Variants in GAN observed in about 807,000 individuals in gnomAD.
GAN encodes the protein epididymis secretory sperm binding protein.
In GAN, 48 loss-of-function variants were observed where a neutral mutation model predicts 71.3. The observed-to-expected ratio is 0.67, with a 90% CI of 0.53 to 0.86. The LOEUF (loss-of-function observed/expected upper bound fraction) is 0.86. GAN is among the 40% of genes least tolerant of loss of function. The probability of loss-of-function intolerance (pLI) is 0.00; values close to 1 mark genes in which losing one functional copy is unlikely to be tolerated. For synonymous variants in GAN, 386 were observed against 276.8 expected (o/e 1.39, Z -3.92); for missense variants, 928 against 770.1 (o/e 1.21, Z -2.43).
At position 81,378,912 on chromosome 16, in the gene GAN, C is replaced by T. The variant is rs1904291820; in HGVS notation, c.*1316C>T. The T allele has an allele frequency of 6.6e-6, 1 of 152,514 alleles. No homozygotes were observed. The highest frequency in any genetic ancestry group is 2.4e-5 in the African/African-American group (1 of 41,442). 9.4% of individuals were successfully genotyped at this position (152,514 alleles called of 1,614,324 possible). On this transcript the variant is annotated 3_prime_UTR_variant, in exon 11 of 11. Transcript: ENST00000648994. ...GATATTTTGTTTTCCACTTGAATTACACCACCCTAGTGTGAAATCGGGGAC... is the reference window on the plus strand; with the variant it reads ...GATATTTTGTTTTCCACTTGAATTATACCACCCTAGTGTGAAATCGGGGAC...
chr16:81,363,937 C>A lies in GAN; in HGVS notation c.1230C>A (p.Val410=). ...TWTKQPDLTM[V]RKIGCYAAMK... ...CAAAGCAACCTGATTTGACCATGGTCAGAAAGGTGAGGACTGCATTTTGTG... is the reference window on the plus strand; with the variant it reads ...CAAAGCAACCTGATTTGACCATGGTAAGAAAGGTGAGGACTGCATTTTGTG... The change falls in exon 7 of 11, where the codon GTC becomes GTA. Residue 410 remains valine, a synonymous_variant. Coordinates refer to ENST00000648994, the MANE Select transcript of GAN (RefSeq NM_022041.4). 1 of 1,612,680 alleles carries A rather than the reference C, an allele frequency of 6.2e-7. No homozygotes were observed. The highest frequency in any genetic ancestry group is 8.5e-7 in the Non-Finnish European group (1 of 1,178,684).
rs56782049 is a variant in GAN at position 81,376,465 on chromosome 16, ATGTGTGTGTGTG to A, written c.1503-720_1503-709del. Among the ~76,000 whole-genome samples, 585 of 127,166 alleles carry A rather than the reference ATGTGTGTGTGTG, an allele frequency of 4.6e-3. 1 individual carries two copies. Among genetic ancestry groups the A allele is most frequent in the African/African-American group, 0.015 (503 of 33,084 alleles). The allele number at this position is 127,166 out of a possible 152,430, so 83.4% of individuals were successfully genotyped here. On this transcript the variant is annotated intron_variant, in intron 9 of 10. Coordinates refer to ENST00000648994, the MANE Select transcript of GAN (RefSeq NM_022041.4). ...CAATATCCCATCTTTATACATACATATGTGTGTGTGTGTGTGTGTGTGTGTGTGTGTGTGTGT... is the reference window on the plus strand; with the variant it reads ...CAATATCCCATCTTTATACATACATATGTGTGTGTGTGTGTGTGTGTGTGT...
chr16:81,376,597 ATATAT>A (rs887926011), intron 9 of GAN, among the ~76,000 whole-genome samples: 1 of 150,272 alleles, frequency 6.7e-6, no homozygotes, highest in Non-Finnish European at 1.5e-5. Context: ...ATGTATAAGT[ATATAT>A]TATATGTATG....
chr16:81,315,427 C>G, intron 1 of GAN, 147 bp downstream of exon 1: 1 of 485,788 alleles, frequency 2.1e-6, no homozygotes, highest in South Asian at 1.0e-4. Flanking sequence ...TCCCTCCCGG[C>G]AAGCGCCGGA....
chr16:81,360,415 C>T (rs572482157), intron 5 of GAN, among the ~76,000 whole-genome samples: 2 of 152,244 alleles, frequency 1.3e-5, no homozygotes, highest in African/African-American at 4.8e-5. Context: ...GTTGTGAAGT[C>T]AGTGGCAAGT....
chr16:81,390,290 G>A lies in GAN; in HGVS notation c.*12694G>A, dbSNP rs1360618748. ...ATTGAAATGTCACGTCTCACATCCTGTGGTCCAAAGGTACTAGTTTGTTTT... is the reference window on the plus strand; with the variant it reads ...ATTGAAATGTCACGTCTCACATCCTATGGTCCAAAGGTACTAGTTTGTTTT... On this transcript the variant is annotated 3_prime_UTR_variant, in exon 11 of 11. Transcript: ENST00000648994. 2 of 152,234 alleles carry A rather than the reference G, an allele frequency of 1.3e-5. No individual in the cohort carries two copies. Among genetic ancestry groups the A allele is most frequent in the Admixed American group, 1.3e-4 (2 of 15,286 alleles). The allele number at this position is 152,234 out of a possible 1,614,324, so 9.4% of individuals were successfully genotyped here.
intron 1 of GAN, among the ~76,000 whole-genome samples, chr16:81,324,956 G>A (rs1488901632): frequency 6.6e-6 from 1 of 152,224 alleles, no homozygotes; most frequent in Non-Finnish European, 1.5e-5. Context: ...GGCGGACACA[G>A]CAGCTGGATT....
At chr16:81,370,264 G>A (rs902793698) in intron 9 of GAN, among the ~76,000 whole-genome samples, 1 of 152,190 alleles carries the variant, frequency 6.6e-6, no homozygotes, top group Non-Finnish European at 1.5e-5. Flanking sequence ...CTTATGGTTA[G>A]GAAGAAACAG....
intron 1 of GAN, among the ~76,000 whole-genome samples, chr16:81,348,094 C>T (rs1910180535): frequency 6.6e-6 from 1 of 152,134 alleles, no homozygotes; most frequent in African/African-American, 2.4e-5. Context: ...CTCAAGCAGT[C>T]CTTCCAAAGT....
rs1427393423 is a variant in GAN at position 81,380,688 on chromosome 16, GACCT to G, written c.*3093_*3096del. 1 of 152,136 alleles carries G rather than the reference GACCT, an allele frequency of 6.6e-6. No homozygotes were observed. The highest frequency in any genetic ancestry group is 2.4e-5 in the African/African-American group (1 of 41,424). The allele number at this position is 152,136 out of a possible 1,614,324, so 9.4% of individuals were successfully genotyped here. A position where few individuals can be genotyped will look rare whatever the true frequency, so the allele number is the denominator to read the frequency against. On this transcript the variant is annotated 3_prime_UTR_variant, in exon 11 of 11. Transcript: ENST00000648994. ...CTTCAGATAAATTCTTGAGCCTGTTGACCTTCAGTTTATACTACTGTGTCGAACT... is the reference window on the plus strand; with the variant it reads ...CTTCAGATAAATTCTTGAGCCTGTTGTCAGTTTATACTACTGTGTCGAACT...
At chr16:81,375,697 G>GC (rs1423585584) in intron 9 of GAN, among the ~76,000 whole-genome samples, 1 of 151,960 alleles carries the variant, frequency 6.6e-6, no homozygotes, top group Non-Finnish European at 1.5e-5. Context: ...TGGGTATGGT[G>GC]GCTCACACCT....
Position 81,351,866 on chromosome 16 carries a change from TC to T in GAN, c.282+171del, listed in dbSNP as rs551317822. On this transcript the variant is annotated intron_variant, in intron 2 of 10. Coordinates refer to ENST00000648994, the MANE Select transcript of GAN (RefSeq NM_022041.4). ...GGTAATGGCACCCCATGTGTGTTCT[TC>T]CATGGCTGTGCTCCTAGAGAAGCAG... Among the ~76,000 whole-genome samples, 27 of 152,302 alleles carry T rather than the reference TC, an allele frequency of 1.8e-4. No homozygotes were observed. The East Asian group carries it at 5.0e-3, about 28-fold the overall frequency.
In GAN at chr16:81,326,363, CAAA is replaced by C. The variant is rs66769713; in HGVS notation, c.167+11101_167+11103del. ...AGAAACACCATCTCTACTAAAAATA[CAAA>C]AAAAAAAAAAAAAAAAATTAGCCAG... is the stretch of plus-strand genomic sequence containing the variant. On this transcript the variant is annotated intron_variant, in intron 1 of 10. Coordinates refer to ENST00000648994, the MANE Select transcript of GAN (RefSeq NM_022041.4). Among the ~76,000 whole-genome samples the C allele has an allele frequency of 2.2e-3, 311 of 138,672 alleles. 2 individuals carry two copies. The highest frequency in any genetic ancestry group is 3.6e-3 in the Middle Eastern group (1 of 278). 91.0% of individuals were successfully genotyped at this position (138,672 alleles called of 152,430 possible). A position where few individuals can be genotyped will look rare whatever the true frequency, so the allele number is the denominator to read the frequency against.
chr16:81,330,095 T>A (rs1328848070), intron 1 of GAN, among the ~76,000 whole-genome samples: 2 of 152,162 alleles, frequency 1.3e-5, no homozygotes, highest in African/African-American at 4.8e-5. Flanking sequence ...GAATCTGCCT[T>A]CTCTTCACCA....
chr16:81,384,569 A>G lies in GAN; in HGVS notation c.*6973A>G, dbSNP rs991003507. 3 of 152,102 alleles carry G rather than the reference A, an allele frequency of 2.0e-5. No individual in the cohort carries two copies. The highest frequency in any genetic ancestry group is 7.2e-5 in the African/African-American group (3 of 41,404). The allele number at this position is 152,102 out of a possible 1,614,324, so 9.4% of individuals were successfully genotyped here. On this transcript the variant is annotated 3_prime_UTR_variant, in exon 11 of 11. Transcript: ENST00000648994. Reference sequence around the variant, plus strand: ...GTATTTGGGATTTGGGTGCTTGAGGATACTATTTTTTTCATTTCTTATAAG... The same window carrying G: ...GTATTTGGGATTTGGGTGCTTGAGGGTACTATTTTTTTCATTTCTTATAAG...
intron 7 of GAN, among the ~76,000 whole-genome samples, chr16:81,364,510 C>G (rs983880413): frequency 6.6e-6 from 1 of 152,076 alleles, no homozygotes. Context: ...GAAGCGATCC[C>G]CCATCTCTAC....
chr16:81,376,492 TG>T (rs1904280434), intron 9 of GAN, among the ~76,000 whole-genome samples: 5 of 148,562 alleles, frequency 3.4e-5, no homozygotes, highest in Non-Finnish European at 5.9e-5. Flanking sequence ...TGTGTGTGTG[TG>T]TGTGTGTGTG....
intron 1 of GAN, among the ~76,000 whole-genome samples, chr16:81,351,207 T>C (rs573953119): frequency 6.6e-6 from 1 of 152,278 alleles, no homozygotes; most frequent in Non-Finnish European, 1.5e-5. Context: ...GTCTTAGCTT[T>C]TGTTTTGGAT....
chr16:81,348,535 G>A (rs1289386311), intron 1 of GAN, among the ~76,000 whole-genome samples: 2 of 152,182 alleles, frequency 1.3e-5, no homozygotes, highest in East Asian at 1.9e-4. Flanking sequence ...TTGCAAGTAT[G>A]TGAAGATACT....
Sources: allele counts gnomAD v4.1 joint callset (sites outside exome capture counted in the v4.1 genomes callset), GRCh38; gene constraint gnomAD v4.1.1; transcripts MANE v1.5; gene names NCBI Gene and HGNC (gene_info 2026-07-23, HGNC 2026-07-21).